FAT3: variants seen among roughly 807,000 people sequenced by gnomAD.
FAT3 encodes protocadherin Fat 3.
FAT3 carries 95 observed loss-of-function variants against 310.2 expected under a neutral mutation model. The ratio of observed to expected loss-of-function variants is 0.31; its 90% CI spans 0.26 to 0.36. FAT3 has a LOEUF of 0.36. Ranked by LOEUF, FAT3 falls within the 10% of genes least tolerant of loss-of-function variation. FAT3 has a pLI of 1.00. For synonymous variants in FAT3, 2,314 were observed against 2,192.9 expected, an observed-to-expected ratio of 1.06 and a Z score of -1.54; for missense variants, 5,408 against 5,715.6, an observed-to-expected ratio of 0.95 and a Z score of 1.74.
intron 3 of FAT3, among the ~76,000 whole-genome samples, chr11:92,625,569 C>A (rs1460451570): frequency 6.6e-6 from 1 of 152,114 alleles, no homozygotes; most frequent in Non-Finnish European, 1.5e-5. Context: ...GCCCAGAGAG[C>A]AAAGATGTTA....
intron 7 of FAT3, among the ~76,000 whole-genome samples, chr11:92,780,398 A>G (rs1946716255): frequency 6.6e-6 from 1 of 152,076 alleles, no homozygotes; most frequent in Non-Finnish European, 1.5e-5. Flanking sequence ...CTTGGGCTTT[A>G]GTGACCTGCC....
intron 21 of FAT3, among the ~76,000 whole-genome samples, chr11:92,862,294 A>G (rs1196437718): frequency 6.6e-6 from 1 of 152,196 alleles, no homozygotes; most frequent in Non-Finnish European, 1.5e-5. Context: ...CCTCACACCT[A>G]TAAAAGAAAC....
intron 13 of FAT3, among the ~76,000 whole-genome samples, chr11:92,826,643 C>G (rs966510757): frequency 6.6e-6 from 1 of 152,158 alleles, no homozygotes; most frequent in Non-Finnish European, 1.5e-5. Context: ...GAGATTAGAA[C>G]CCACATTAAA....
Position 92,893,952 on chromosome 11 carries a change from C to CCAAG in FAT3, c.*2841_*2844dup, listed in dbSNP as rs1366529368. The CCAAG allele has an allele frequency of 6.6e-6, 1 of 152,074 alleles. No individual in the cohort carries two copies. Among genetic ancestry groups the CCAAG allele is most frequent in the Admixed American group, 6.5e-5 (1 of 15,272 alleles). The allele number at this position is 152,074 out of a possible 1,614,324, so 9.4% of individuals were successfully genotyped here. A position where few individuals can be genotyped will look rare whatever the true frequency, so the allele number is the denominator to read the frequency against. The stretch of plus-strand genomic sequence containing the variant: ...TACCCAGAGTGGGAAAGAGACTTGC[C>CCAAG]CAAGCCCACAGAGGAAGTTAATTCG... On this transcript the variant is annotated 3_prime_UTR_variant, in exon 28 of 28. Transcript: ENST00000525166.
Position 92,798,691 on chromosome 11 carries a change from T to C in FAT3, c.5678T>C (p.Leu1893Pro). The C allele has an allele frequency of 6.2e-7, 1 of 1,613,826 alleles. No individual in the cohort carries two copies. The highest frequency in any genetic ancestry group is 8.5e-7 in the Non-Finnish European group (1 of 1,179,848). ...CAGGCTGTGTTTGAGACTATCTTAC[T>C]TCTACCTACCTATGTTGGAGTGGAG... The part of the protein sequence containing the change: ...FTQAVFETIL[L>P]LPTYVGVEVL... Residue 1893 changes from leucine (L) to proline (P), a missense_variant, in exon 10 of 28, where the codon CTT (leucine) becomes CCT (proline). Coordinates refer to ENST00000525166, the MANE Select transcript of FAT3 (RefSeq NM_001367949.2).
At chr11:92,758,445 A>T (rs1946060618) in intron 4 of FAT3, among the ~76,000 whole-genome samples, 1 of 152,202 alleles carries the variant, frequency 6.6e-6, no homozygotes, top group African/African-American at 2.4e-5. Context: ...TTCCATGAAG[A>T]CAAATGGCTG....
At chr11:92,334,793 C>T (rs1052560776) in intron 1 of FAT3, among the ~76,000 whole-genome samples, 3 of 152,178 alleles carry the variant, frequency 2.0e-5, no homozygotes, top group Admixed American at 6.5e-5. Flanking sequence ...AGCCCCAGGC[C>T]AGCATATGTG....
At chr11:92,377,481 C>T (rs1949378182) in intron 2 of FAT3, among the ~76,000 whole-genome samples, 1 of 152,206 alleles carries the variant, frequency 6.6e-6, no homozygotes, top group Non-Finnish European at 1.5e-5. Context: ...AGTTTTCTAG[C>T]TGATATTCCT....
intron 9 of FAT3, among the ~76,000 whole-genome samples, chr11:92,793,802 A>C (rs1947096212): frequency 6.6e-6 from 1 of 152,178 alleles, no homozygotes; most frequent in Non-Finnish European, 1.5e-5. Context: ...ATATCCTTTC[A>C]TGCCAGGGAT....
chr11:92,281,477 C>T (rs1007819852), intron 1 of FAT3, among the ~76,000 whole-genome samples: 3 of 152,286 alleles, frequency 2.0e-5, no homozygotes, highest in African/African-American at 7.2e-5. Context: ...CCTTGCTGAT[C>T]AGGATGCCTC....
intron 5 of FAT3, among the ~76,000 whole-genome samples, chr11:92,763,003 T>C (rs1029158231): frequency 6.6e-6 from 1 of 151,872 alleles, no homozygotes; most frequent in Non-Finnish European, 1.5e-5. Flanking sequence ...ACCAAAAATA[T>C]AAAAAATTAG....
At chr11:92,383,943 AAATTTGAACCCAC>A (rs1334885806) in intron 2 of FAT3, among the ~76,000 whole-genome samples, 1 of 152,202 alleles carries the variant, frequency 6.6e-6, no homozygotes, top group African/African-American at 2.4e-5. Flanking sequence ...CCAAAGATAT[AAATTTGAACCCAC>A]AATTTTTTTT....
rs780430076 is a variant in FAT3 at position 92,354,360 on chromosome 11, G to A, written c.2248G>A (p.Ala750Thr). Reference protein sequence around the residue: ...PVGANILKIKAYDADSGFNGK... With the variant: ...PVGANILKIKTYDADSGFNGK... ...TGGTGCTAACATTCTGAAGATTAAA[G>A]CCTATGATGCCGACTCTGGCTTCAA... Residue 750 changes from alanine (A) to threonine (T), a missense_variant, in exon 2 of 28, where the codon GCC (alanine) becomes ACC (threonine). Around this residue, in one of 5 missense-constraint regions of FAT3, gnomAD observed 4,588 missense variants for 4,809.8 expected, o/e 0.95. Transcript: ENST00000525166. The A allele has an allele frequency of 5.6e-6, 9 of 1,613,884 alleles. No individual in the cohort carries two copies. The highest frequency in any genetic ancestry group is 5.9e-6 in the Non-Finnish European group (7 of 1,179,870).
intron 3 of FAT3, among the ~76,000 whole-genome samples, chr11:92,574,558 A>G (rs1252768082): frequency 6.6e-6 from 1 of 152,144 alleles, no homozygotes; most frequent in Admixed American, 6.5e-5. Flanking sequence ...AGTCCCCATA[A>G]CAGGGGGAGG....
At chr11:92,560,172 G>A (rs528263879) in intron 3 of FAT3, among the ~76,000 whole-genome samples, 46 of 152,206 alleles carry the variant, frequency 3.0e-4, no homozygotes, top group African/African-American at 1.1e-3. Context: ...GTATCTTATT[G>A]TGATTTCGAT....
chr11:92,468,388 G>A (rs1373234933), intron 2 of FAT3, among the ~76,000 whole-genome samples: 1 of 152,194 alleles, frequency 6.6e-6, no homozygotes, highest in Non-Finnish European at 1.5e-5. Flanking sequence ...TAAACTTGAT[G>A]GAAGAAGCCT....
chr11:92,739,456 G>C (rs1372452777), intron 4 of FAT3, among the ~76,000 whole-genome samples: 1 of 152,070 alleles, frequency 6.6e-6, no homozygotes, highest in Non-Finnish European at 1.5e-5. Context: ...TAAGCTTTCT[G>C]ATGGAATTTT....
At chr11:92,489,739 G>A (rs1952545830) in intron 2 of FAT3, among the ~76,000 whole-genome samples, 1 of 152,082 alleles carries the variant, frequency 6.6e-6, no homozygotes, top group South Asian at 2.1e-4. Flanking sequence ...GAAGAAGGGT[G>A]TATCCAGAAC....
chr11:92,750,524 G>A (rs1172031279), intron 4 of FAT3, among the ~76,000 whole-genome samples: 1 of 152,160 alleles, frequency 6.6e-6, no homozygotes, highest in East Asian at 1.9e-4. Context: ...AATGGCTGAG[G>A]AAAGCAGAAA....
Sources: gnomAD v4.1 joint callset for allele counts (sites outside exome capture counted in the v4.1 genomes callset) on GRCh38, gnomAD v4.1.1 for gene constraint, gnomAD v4.1.1 regional missense constraint, MANE v1.5 for transcripts, NCBI Gene and HGNC (gene_info 2026-07-23, HGNC 2026-07-21) for gene names.